The following FBN3 variants were observed in gnomAD, a reference collection of about 807,000 sequenced individuals.
FBN3 encodes the protein fibrillin-3.
Under a neutral mutation model 330.1 loss-of-function variants are expected in FBN3, and 234 were observed. The observed-to-expected ratio is 0.71, with a 90% CI of 0.64 to 0.79. The LOEUF is 0.79. Among genes scored for constraint, FBN3 ranks in the 30% least tolerant of loss-of-function variants. The pLI is 0.00. For synonymous variants in FBN3, 1,458 were observed against 1,517.3 expected, an observed-to-expected ratio of 0.96 and a Z score of 0.91; for missense variants, 3,606 against 3,886.9, an observed-to-expected ratio of 0.93 and a Z score of 1.92.
At chr19:8,111,618 GC>G in intron 32 of FBN3, 29 bp downstream of exon 32, 2 of 1,449,020 alleles carry the variant, frequency 1.4e-6, no homozygotes, top group Non-Finnish European at 1.9e-6. Context: ...TCCCTCTAGG[GC>G]CCCTGCCCTC....
At chr19:8,141,179 AG>A (rs1377260321) in intron 8 of FBN3, among the ~76,000 whole-genome samples, 1 of 127,444 alleles carries the variant, frequency 7.8e-6, no homozygotes, top group East Asian at 2.3e-4. Flanking sequence ...TGGGCGACAG[AG>A]CGAGACTCCG....
intron 21 of FBN3, 59 bp downstream of exon 21, chr19:8,126,231 GGTGGTGC>G: frequency 1.3e-6 from 2 of 1,518,362 alleles, no homozygotes; most frequent in Non-Finnish European, 1.8e-6. Flanking sequence ...CACCCATGAG[GGTGGTGC>G]GCCTGGTTGT....
intron 47 of FBN3, among the ~76,000 whole-genome samples, chr19:8,092,177 CA>C (rs138095815): frequency 3.7e-4 from 43 of 115,736 alleles, no homozygotes; most frequent in Non-Finnish European, 3.8e-4. Flanking sequence ...GACTCTGTCT[CA>C]AAAAAAAAAA....
chr19:8,130,701 AAAAGG>A (rs2083126036), intron 16 of FBN3, among the ~76,000 whole-genome samples: 1 of 147,622 alleles, frequency 6.8e-6, no homozygotes, highest in East Asian at 2.0e-4. Flanking sequence ...AAAAGAAAAG[AAAAGG>A]AAGAAAAACA....
At chr19:8,103,041 C>T (rs560144445) in intron 39 of FBN3, among the ~76,000 whole-genome samples, 168 bp from the exon 40 acceptor site, 4 of 151,560 alleles carry the variant, frequency 2.6e-5, no homozygotes, top group South Asian at 2.1e-4. Flanking sequence ...CGGAGGCGGG[C>T]GGATCACTTG....
At chr19:8,076,247 C>CATATGTGT (rs60725609) in intron 59 of FBN3, among the ~76,000 whole-genome samples, 11 of 147,646 alleles carry the variant, frequency 7.5e-5, no homozygotes, top group Non-Finnish European at 1.5e-4. Context: ...TGTCCGTGTG[C>CATATGTGT]GTGTGTGTGT....
chr19:8,106,280 A>G (rs2082437333), intron 37 of FBN3, 47 bp from the exon 38 acceptor site: 2 of 1,610,002 alleles, frequency 1.2e-6, no homozygotes. Context: ...ACCCATGCAG[A>G]GGACTTAAGG....
chr19:8,143,693 T>C (rs2083466867), intron 6 of FBN3, among the ~76,000 whole-genome samples: 1 of 151,980 alleles, frequency 6.6e-6, no homozygotes, highest in African/African-American at 2.4e-5. Flanking sequence ...GCTTTTGCCA[T>C]GTTGGCCATG....
At chr19:8,146,298 G>T in intron 3 of FBN3, 73 bp from the exon 4 acceptor site, 1 of 1,326,918 alleles carries the variant, frequency 7.5e-7, no homozygotes, top group South Asian at 1.3e-5. Context: ...TGGTGTCCGG[G>T]CTGGCCGGAA....
intron 45 of FBN3, 101 bp downstream of exon 45, chr19:8,095,863 C>T (rs541075195): frequency 3.2e-5 from 23 of 708,150 alleles, no homozygotes; most frequent in Middle Eastern, 2.4e-4. Flanking sequence ...TCTAAATAAT[C>T]GGGGACTTTC....
Position 8,102,122 on chromosome 19 carries a change from G to A in FBN3, c.5089+602C>T, listed in dbSNP as rs146226352. Among the ~76,000 whole-genome samples the A allele has an allele frequency of 5.6e-3, 853 of 152,264 alleles. 6 individuals are homozygous for A. Among genetic ancestry groups the A allele is most frequent in the African/African-American group, 0.019 (801 of 41,550 alleles). On this transcript the variant is annotated intron_variant, in intron 40 of 63. Transcript: ENST00000600128. ...TCTCTTGCCTGCCACCATGTAAGAC[G>A]TGCTTTTGCTCCTCCTTCACCTTCT...
rs3813781 is a variant in FBN3 at position 8,096,710 on chromosome 19, G to C, written c.5414-141C>G. On this transcript the variant is annotated intron_variant, in intron 43 of 63. Transcript: ENST00000600128. This position sits in a 1 kb window ranked among gnomAD's most constrained non-coding sequence, Gnocchi z 4.6. Reference sequence around the variant, plus strand: ...ACCAGGGGCGTCAGGCTGTCTGCATGGACCTGAGCTCTCACCTCTATCACA... The same window carrying C: ...ACCAGGGGCGTCAGGCTGTCTGCATCGACCTGAGCTCTCACCTCTATCACA... 0.43 allele frequency: 566,404 copies of C among 1,320,410 alleles called. 126,518 individuals are homozygous for C. Among genetic ancestry groups the C allele is most frequent in the East Asian group, 0.7 (30,043 of 42,998 alleles). 81.8% of individuals were successfully genotyped at this position (1,320,410 alleles called of 1,614,324 possible). A position where few individuals can be genotyped will look rare whatever the true frequency, so the allele number is the denominator to read the frequency against.
chr19:8,144,368 G>C (rs1394748832), intron 6 of FBN3, among the ~76,000 whole-genome samples: 1 of 150,292 alleles, frequency 6.7e-6, no homozygotes, highest in Non-Finnish European at 1.5e-5. Flanking sequence ...CTGCACTCTA[G>C]CCCGAAAGAG....
At position 8,095,243 on chromosome 19, in the gene FBN3, A is replaced by AT. The variant is rs35426475; in HGVS notation, c.5785+131dup. The AT allele has an allele frequency of 1.3e-3, 1,098 of 874,788 alleles. 1 individual carries two copies. Among genetic ancestry groups the AT allele is most frequent in the Non-Finnish European group, 1.5e-3 (913 of 628,100 alleles). The allele number at this position is 874,788 out of a possible 1,614,324, so 54.2% of individuals were successfully genotyped here. On this transcript the variant is annotated intron_variant, in intron 46 of 63. Transcript: ENST00000600128. ...GCCTCAGCCTCCCAAAGTGCTGGGT[A>AT]TTTTTTTTTTTAAATCTTAAAATAA...
rs2083331951 is a variant in FBN3, at chr19:8,138,253, G to T, written c.1089C>A (p.Leu363=). ...CCATGCCATTGGATCCGAAGCCCAG[G>T]AGGCCAGGGAAGAGGCCAGGGTGGC... ...LPGHPGLFPG[L]LGFGSNGMGP... Residue 363 remains leucine, a synonymous_variant, in exon 10 of 64, where the codon CTC becomes CTA. Coordinates refer to ENST00000600128, the MANE Select transcript of FBN3 (RefSeq NM_032447.5). 6.2e-7 allele frequency: 1 copy of T among 1,611,834 alleles called. No homozygotes were observed. Among genetic ancestry groups the T allele is most frequent in the African/African-American group, 1.3e-5 (1 of 74,948 alleles).
At chr19:8,132,642 C>T (rs1048795307) in intron 14 of FBN3, among the ~76,000 whole-genome samples, 1 of 152,022 alleles carries the variant, frequency 6.6e-6, no homozygotes, top group Admixed American at 6.6e-5. Flanking sequence ...CAGGTGCCCA[C>T]CACCATACCT....
At chr19:8,146,051 G>C in intron 4 of FBN3, 76 bp downstream of exon 4, 1 of 1,509,114 alleles carries the variant, frequency 6.6e-7, no homozygotes, top group Non-Finnish European at 9.0e-7. Context: ...TTCAACAAAA[G>C]CAGCCCAGGC....
At chr19:8,136,169 C>G (rs771861421) in intron 12 of FBN3, 21 bp downstream of exon 12, 21 of 1,613,458 alleles carry the variant, frequency 1.3e-5, no homozygotes, top group Non-Finnish European at 1.6e-5. Flanking sequence ...ATCACCCCTA[C>G]TCTTGGATGG....
Position 8,136,406 on chromosome 19 carries a change from C to G in FBN3, c.1327G>C (p.Val443Leu). 6.2e-7 allele frequency: 1 copy of G among 1,614,110 alleles called. No homozygotes were observed. Among genetic ancestry groups the G allele is most frequent in the Non-Finnish European group, 8.5e-7 (1 of 1,180,000 alleles). Residue 443 changes from valine to leucine, a missense_variant, in exon 11 of 64, where the codon GTG (valine) becomes CTG (leucine). By Grantham distance (32) the Val-to-Leu change is conservative. Coordinates refer to ENST00000600128, the MANE Select transcript of FBN3 (RefSeq NM_032447.5). ...GGCTCACCAATGCACTCGCCGCGCA[C>G]GTCCTGGGTGTAGCCCACGTTACAC... ...CECNVGYTQD[V>L]RGECIDVDEC... is the part of the protein sequence containing the mutation.
Sources: gnomAD v4.1 joint callset for allele counts (sites outside exome capture counted in the v4.1 genomes callset) on GRCh38, gnomAD v4.1.1 for gene constraint, Gnocchi (gnomAD v3.1) non-coding constraint, MANE v1.5 for transcripts, NCBI Gene and HGNC (gene_info 2026-07-23, HGNC 2026-07-21) for gene names.